OTOA: variants seen among roughly 807,000 people sequenced by gnomAD.
OTOA encodes the protein cancer/testis antigen 108.
OTOA carries 70 observed loss-of-function variants against 110.8 expected under a neutral mutation model. The ratio of observed to expected loss-of-function variants is 0.63; its 90% CI spans 0.52 to 0.77. OTOA has a LOEUF of 0.77. Ranked by LOEUF, OTOA falls within the 30% of genes least tolerant of loss-of-function variation. OTOA has a pLI of 0.00. For missense variants in OTOA, 917 were observed against 1,075.8 expected (o/e 0.85, Z 2.06); for synonymous variants, 373 against 431.5 (o/e 0.86, Z 1.68).
chr16:21,676,420 A>C (rs28809505), intron 1 of OTOA, among the ~76,000 whole-genome samples: 30,216 of 151,948 alleles, frequency 0.2, 4,486 homozygotes, highest in East Asian at 0.41. Context: ...TGCTTTTGAG[A>C]TTTGTTAGGG....
At chr16:21,716,180 T>C (rs1898547781) in intron 14 of OTOA, among the ~76,000 whole-genome samples, 3 of 151,746 alleles carry the variant, frequency 2.0e-5, no homozygotes, top group Non-Finnish European at 2.9e-5. Context: ...GGATTACAGG[T>C]GTGAGCCACC....
rs754519981 is a variant in OTOA at position 21,726,525 on chromosome 16, C to G, written c.1883C>G (p.Ala628Gly). The change falls in exon 19 of 29, where the codon GCC (alanine) becomes GGC (glycine). Residue 628 changes from alanine to glycine, a missense_variant and splice_region_variant. Transcript: ENST00000646100. ...TTGTTCTCCCCATCTCTCTCCAGGG[C>G]CCGCTACCTGGCTTCTGTCCCAGCC... ...MPPFLLAALPARYLASVPASQ... is the reference protein window; with the variant it reads ...MPPFLLAALPGRYLASVPASQ... 6.2e-7 allele frequency: 1 copy of G among 1,613,530 alleles called. No individual in the cohort carries two copies. The highest frequency in any genetic ancestry group is 8.5e-7 in the Non-Finnish European group (1 of 1,180,020).
chr16:21,679,432 G>A (rs568737967), intron 5 of OTOA, among the ~76,000 whole-genome samples: 7 of 151,830 alleles, frequency 4.6e-5, no homozygotes, highest in African/African-American at 1.2e-4. Flanking sequence ...ATGGAGTTTC[G>A]CTCTTGTTGC....
In OTOA at chr16:21,728,266, C is replaced by T. The variant is rs377647690; in HGVS notation, c.2042C>T (p.Thr681Ile). 6.2e-7 allele frequency: 1 copy of T among 1,614,208 alleles called. No individual in the cohort carries two copies. The highest frequency in any genetic ancestry group is 1.3e-5 in the African/African-American group (1 of 75,064). Reference sequence around the variant, plus strand: ...GACGACTCCATTGCTGATGAGTACACTGTGGACATCATGGGGAACCTGCTG... The same window carrying T: ...GACGACTCCATTGCTGATGAGTACATTGTGGACATCATGGGGAACCTGCTG... ...CLDDSIADEY[T>I]VDIMGNLLCH... is the part of the protein sequence containing the mutation. The change falls in exon 20 of 29, where the codon ACT becomes ATT. Residue 681 changes from threonine to isoleucine, a missense_variant. Thr to Ile is a moderately conservative substitution (Grantham distance 89, BLOSUM62 -1). Coordinates refer to ENST00000646100, the MANE Select transcript of OTOA (RefSeq NM_144672.4).
At position 21,685,910 on chromosome 16, in the gene OTOA, A is replaced by G. The variant is rs553402713; in HGVS notation, c.399+549A>G. ...ACGGGTCCTAATTAAGGATCTGAGA[A>G]TCTCCTGGTTGTTTGGGTCAATAAA... On this transcript the variant is annotated intron_variant, in intron 7 of 28. Coordinates refer to ENST00000646100, the MANE Select transcript of OTOA (RefSeq NM_144672.4). Among the ~76,000 whole-genome samples, 11 of 152,288 alleles carry G rather than the reference A, an allele frequency of 7.2e-5. No homozygotes were observed. In the South Asian group the frequency reaches 2.1e-3, roughly 29 times the overall value.
chr16:21,722,634 T>C (rs914982674), intron 17 of OTOA, among the ~76,000 whole-genome samples: 3 of 152,186 alleles, frequency 2.0e-5, no homozygotes, highest in African/African-American at 7.2e-5. Flanking sequence ...AATCCCCTGC[T>C]GAGGAACATT....
chr16:21,678,452 G>GTATA (rs144912719), intron 1 of OTOA, 59 bp from the exon 2 acceptor site: 154 of 993,292 alleles, frequency 1.6e-4, no homozygotes, highest in Admixed American at 1.1e-3. Context: ...ATGTGTGTGT[G>GTATA]TGTATATATA....
intron 22 of OTOA, 122 bp downstream of exon 22, chr16:21,736,512 A>G: frequency 8.8e-7 from 1 of 1,142,466 alleles, no homozygotes; most frequent in Non-Finnish European, 1.3e-6. Context: ...AAAGCAATAG[A>G]ATGACAAAAT....
chr16:21,749,911 CT>C (rs1899773329), intron 24 of OTOA, among the ~76,000 whole-genome samples: 1 of 144,668 alleles, frequency 6.9e-6, no homozygotes, highest in Non-Finnish European at 1.5e-5. Flanking sequence ...TCTCAAACTC[CT>C]GACTTTAAGT....
At chr16:21,677,427 G>A (rs2141651401) in intron 1 of OTOA, among the ~76,000 whole-genome samples, 1 of 149,806 alleles carries the variant, frequency 6.7e-6, no homozygotes, top group South Asian at 2.1e-4. Flanking sequence ...ATAATCATTT[G>A]TGTGCTTATT....
At chr16:21,709,456 T>G (rs1898289025) in intron 12 of OTOA, among the ~76,000 whole-genome samples, 1 of 152,002 alleles carries the variant, frequency 6.6e-6, no homozygotes, top group South Asian at 2.1e-4. Context: ...AAAAAGTTAT[T>G]TTTACACAGA....
intron 28 of OTOA, among the ~76,000 whole-genome samples, chr16:21,758,166 C>G (rs1900054891): frequency 6.6e-6 from 1 of 151,884 alleles, no homozygotes; most frequent in Admixed American, 6.6e-5. Context: ...CTCCCCCATG[C>G]CTTTCTTACA....
intron 18 of OTOA, among the ~76,000 whole-genome samples, chr16:21,723,599 G>A (rs1898828606): frequency 6.6e-6 from 1 of 152,104 alleles, no homozygotes; most frequent in South Asian, 2.1e-4. Context: ...AATTATATCA[G>A]GTTGATATTT....
chr16:21,699,264 T>G (rs1898003864), intron 10 of OTOA, among the ~76,000 whole-genome samples: 1 of 152,096 alleles, frequency 6.6e-6, no homozygotes, highest in South Asian at 2.1e-4. Flanking sequence ...AAAAGGAATT[T>G]TATATGGACA....
intron 8 of OTOA, among the ~76,000 whole-genome samples, 162 bp from the exon 9 acceptor site, chr16:21,691,422 A>C (rs1460899567): frequency 6.6e-6 from 1 of 152,190 alleles, no homozygotes; most frequent in African/African-American, 2.4e-5. Flanking sequence ...ATCAATTTAC[A>C]TTCCAACCAA....
intron 9 of OTOA, 69 bp downstream of exon 9, chr16:21,691,756 C>G (rs900062651): frequency 7.3e-7 from 1 of 1,361,132 alleles, no homozygotes; most frequent in Non-Finnish European, 1.0e-6. Flanking sequence ...TGTTTCATCT[C>G]TGAAAACATG....
At chr16:21,686,779 G>A (rs1897723614) in intron 7 of OTOA, among the ~76,000 whole-genome samples, 1 of 152,254 alleles carries the variant, frequency 6.6e-6, no homozygotes, top group African/African-American at 2.4e-5. Context: ...TGTAGTCCCA[G>A]CTACTTGGGA....
chr16:21,678,521 C>G lies in OTOA; in HGVS notation c.7C>G (p.Gln3Glu), dbSNP rs769673166. Residue 3 changes from glutamine to glutamate, a missense_variant, in exon 2 of 29, where the codon CAG becomes GAG. Around this residue, in one of 6 missense-constraint regions of OTOA, gnomAD observed 840 missense variants for 910.2 expected, o/e 0.92. Transcript: ENST00000646100. MS[Q>E]EPTTYSLFLF... ...TTAAATTAACTACAGGAGAATGTCTCAGGAACCTACGACATACTCCCTTTT... is the reference window on the plus strand; with the variant it reads ...TTAAATTAACTACAGGAGAATGTCTGAGGAACCTACGACATACTCCCTTTT... 6.2e-7 allele frequency: 1 copy of G among 1,612,796 alleles called. No homozygotes were observed.
At chr16:21,679,102 A>G in intron 4 of OTOA, 36 bp downstream of exon 4, 1 of 1,613,462 alleles carries the variant, frequency 6.2e-7, no homozygotes, top group Non-Finnish European at 8.5e-7. Context: ...TGCTTCTTCT[A>G]AGAATTTCAA....
Sources: gnomAD v4.1 joint callset for allele counts (sites outside exome capture counted in the v4.1 genomes callset) on GRCh38, gnomAD v4.1.1 for gene constraint, gnomAD v4.1.1 regional missense constraint, MANE v1.5 for transcripts, NCBI Gene and HGNC (gene_info 2026-07-23, HGNC 2026-07-21) for gene names.